UGT1A9: variants seen among roughly 807,000 people sequenced by gnomAD.
UGT1A9 encodes UDP glucuronosyltransferase family 1 member A9, also known as UDP-glucuronosyltransferase 1A9.
UGT1A9 carries 35 observed loss-of-function variants against 45.0 expected under a neutral mutation model. The ratio of observed to expected loss-of-function variants is 0.78; its 90% confidence interval spans 0.59 to 1.03. The LOEUF (loss-of-function observed/expected upper bound fraction) is 1.03, where lower values mean the gene tolerates loss of function less well. Ranked by LOEUF, UGT1A9 falls within the 50% of genes least tolerant of loss-of-function variation. The probability of loss-of-function intolerance (pLI) is 0.00; values close to 1 mark genes in which losing one functional copy is unlikely to be tolerated. For synonymous variants in UGT1A9, 278 were observed against 250.6 expected (o/e 1.11, Z -1.03); for missense variants, 687 against 666.6 (o/e 1.03, Z -0.34).
chr2:233,742,265 C>A (rs1188794334), intron 1 of UGT1A9, among the ~76,000 whole-genome samples: 2 of 151,928 alleles, frequency 1.3e-5, no homozygotes, highest in Non-Finnish European at 2.9e-5. Context: ...TGACAGCAAG[C>A]CTGTGATAAG....
At chr2:233,743,810 G>C (rs765761325) in intron 1 of UGT1A9, 1 of 1,367,316 alleles carries the variant, frequency 7.3e-7, no homozygotes, top group Non-Finnish European at 9.8e-7. Flanking sequence ...CTTGTTCTCA[G>C]GGTTTTTGTC....
At chr2:233,724,379 C>G (rs1274419342) in intron 1 of UGT1A9, among the ~76,000 whole-genome samples, 1 of 145,692 alleles carries the variant, frequency 6.9e-6, no homozygotes, top group South Asian at 2.4e-4. Context: ...GGCTGCCGGG[C>G]GGAGACGCTC....
chr2:233,733,594 G>A (rs1409734181), intron 1 of UGT1A9, among the ~76,000 whole-genome samples: 1 of 152,164 alleles, frequency 6.6e-6, no homozygotes, highest in African/African-American at 2.4e-5. Context: ...TTCTGTTTAT[G>A]TGATGGATTA....
At chr2:233,710,216 T>C (rs1250150176) in intron 1 of UGT1A9, among the ~76,000 whole-genome samples, 1 of 152,234 alleles carries the variant, frequency 6.6e-6, no homozygotes, top group Non-Finnish European at 1.5e-5. Flanking sequence ...CTATTATGAA[T>C]AAAGCTGCTA....
intron 1 of UGT1A9, among the ~76,000 whole-genome samples, chr2:233,745,792 G>A (rs1203318312): frequency 6.6e-6 from 1 of 151,102 alleles, no homozygotes; most frequent in Non-Finnish European, 1.5e-5. Context: ...AGGGGGGCTG[G>A]GGTCTATCCC....
rs756759474 is a variant in UGT1A9, at chr2:233,755,078, G to A, written c.856-11956G>A. ...CCCTCGCCTCGCCATAGCGGTCATA[G>A]ATATCGCGTTTCTACGCGTCCGACA... is the stretch of plus-strand genomic sequence containing the variant. On this transcript the variant is annotated intron_variant, in intron 1 of 4. Coordinates refer to ENST00000354728, the MANE Select transcript of UGT1A9 (RefSeq NM_021027.3). 9 of 1,336,426 alleles carry A rather than the reference G, an allele frequency of 6.7e-6. No individual in the cohort carries two copies. The Admixed American group carries it at 1.1e-4, about 17-fold the overall frequency. 82.8% of individuals were successfully genotyped at this position (1,336,426 alleles called of 1,614,324 possible).
intron 1 of UGT1A9, among the ~76,000 whole-genome samples, chr2:233,681,530 C>CAAA (rs747693860): frequency 8.2e-4 from 64 of 77,672 alleles, no homozygotes; most frequent in Admixed American, 1.8e-3. Flanking sequence ...GACTCCATCT[C>CAAA]AAAAAAAAAA....
At chr2:233,724,187 G>C (rs1459882110) in intron 1 of UGT1A9, among the ~76,000 whole-genome samples, 1 of 123,412 alleles carries the variant, frequency 8.1e-6, no homozygotes, top group East Asian at 2.3e-4. Flanking sequence ...CCTCCCGGAC[G>C]GGGTGGCTGG....
At chr2:233,681,284 A>G (rs1205090749) in intron 1 of UGT1A9, among the ~76,000 whole-genome samples, 1 of 152,076 alleles carries the variant, frequency 6.6e-6, no homozygotes, top group African/African-American at 2.4e-5. Flanking sequence ...CTGTAATCCC[A>G]GCATTTTGGG....
intron 1 of UGT1A9, among the ~76,000 whole-genome samples, chr2:233,675,530 C>A (rs903544612): frequency 7.9e-5 from 12 of 152,106 alleles, no homozygotes; most frequent in Non-Finnish European, 1.8e-4. Context: ...GTGCTTCCCC[C>A]CTTGCTGTAA....
At chr2:233,698,366 A>T (rs757366635) in intron 1 of UGT1A9, among the ~76,000 whole-genome samples, 3 of 152,230 alleles carry the variant, frequency 2.0e-5, no homozygotes, top group Non-Finnish European at 2.9e-5. Context: ...GCTGAATGCC[A>T]TGAAATTGTT....
chr2:233,741,836 G>A (rs547216882), intron 1 of UGT1A9: 1 of 151,972 alleles, frequency 6.6e-6, no homozygotes, highest in South Asian at 2.1e-4. Context: ...CAGTTCAGTT[G>A]CCTTTTGCTC....
rs527779009 is a variant in UGT1A9 at position 233,754,984 on chromosome 2, G to T, written c.856-12050G>T. The T allele has an allele frequency of 3.9e-6, 5 of 1,295,396 alleles. No individual in the cohort carries two copies. In the African/African-American group the frequency reaches 6.0e-5, roughly 16 times the overall value. 80.2% of individuals were successfully genotyped at this position (1,295,396 alleles called of 1,614,324 possible). A position where few individuals can be genotyped will look rare whatever the true frequency, so the allele number is the denominator to read the frequency against. The stretch of plus-strand genomic sequence containing the variant: ...AAGAACTCCCTGAAGACCTCGGCGG[G>T]GTCACGGAAGCTGAAGACCTACTCG... On this transcript the variant is annotated intron_variant, in intron 1 of 4. Transcript: ENST00000354728.
At chr2:233,771,280 CCTTTT>C (rs1700275539) in intron 4 of UGT1A9, 2 of 152,190 alleles carry the variant, frequency 1.3e-5, no homozygotes, top group Non-Finnish European at 1.5e-5. Flanking sequence ...CTTTCTTCTC[CCTTTT>C]CTTTTCTACT....
intron 1 of UGT1A9, chr2:233,694,016 A>G: frequency 2.2e-6 from 3 of 1,386,912 alleles, no homozygotes; most frequent in South Asian, 2.7e-5. Flanking sequence ...GCGGGAACAC[A>G]TAGGAGACCT....
chr2:233,724,238 G>A (rs2077193848), intron 1 of UGT1A9, among the ~76,000 whole-genome samples: 1 of 129,762 alleles, frequency 7.7e-6, no homozygotes, highest in African/African-American at 3.0e-5. Context: ...GGGGCGGCCG[G>A]GCAGAGGCGC....
intron 1 of UGT1A9, among the ~76,000 whole-genome samples, chr2:233,757,432 C>T (rs1207849155): frequency 1.3e-5 from 2 of 151,156 alleles, no homozygotes; most frequent in Non-Finnish European, 2.9e-5. Context: ...GAAGAAAAGT[C>T]ACTTCTATAC....
intron 1 of UGT1A9, among the ~76,000 whole-genome samples, chr2:233,678,577 C>G (rs2074422064): frequency 1.3e-5 from 2 of 152,094 alleles, no homozygotes; most frequent in South Asian, 4.1e-4. Flanking sequence ...TCCTTCTTCC[C>G]CATTTGCTTT....
At chr2:233,755,342 A>G in intron 1 of UGT1A9, 1 of 423,680 alleles carries the variant, frequency 2.4e-6, no homozygotes, top group Non-Finnish European at 4.1e-6. Flanking sequence ...CGCACAGGTC[A>G]GAGGCTTGGC....
Sources: allele counts gnomAD v4.1 joint callset (sites outside exome capture counted in the v4.1 genomes callset), GRCh38; gene constraint gnomAD v4.1.1; transcripts MANE v1.5; gene names NCBI Gene and HGNC (gene_info 2026-07-23, HGNC 2026-07-21).